The following TANC2 variants were observed in gnomAD, a reference collection of about 807,000 sequenced individuals.
TANC2 encodes the protein tetratricopeptide repeat, ankyrin repeat and coiled-coil containing 2.
TANC2 carries 26 observed loss-of-function variants against 210.5 expected under a neutral mutation model. That is an observed-to-expected ratio of 0.12 (90% CI 0.09 to 0.17). TANC2 has a LOEUF of 0.17. TANC2 is among the 10% of genes least tolerant of loss of function. The pLI, the probability that TANC2 is intolerant of heterozygous loss-of-function variation, is 1.00. For synonymous variants in TANC2, 931 were observed against 967.1 expected, an observed-to-expected ratio of 0.96 and a Z score of 0.69; for missense variants, 2,129 against 2,608.9, an observed-to-expected ratio of 0.82 and a Z score of 4.01.
chr17:63,300,330 G>T (rs1192402962), intron 9 of TANC2, among the ~76,000 whole-genome samples: 1 of 152,144 alleles, frequency 6.6e-6, no homozygotes, highest in Non-Finnish European at 1.5e-5. Flanking sequence ...AATCTCAATG[G>T]TAGTTTGATG....
chr17:63,018,771 A>G (rs2034223727), intron 2 of TANC2, among the ~76,000 whole-genome samples: 1 of 152,216 alleles, frequency 6.6e-6, no homozygotes, highest in South Asian at 2.1e-4. Context: ...GAAAAATTTT[A>G]TCACTTCAAG....
chr17:63,407,821 G>A (rs534175694), intron 21 of TANC2, among the ~76,000 whole-genome samples: 1 of 152,242 alleles, frequency 6.6e-6, no homozygotes, highest in Non-Finnish European at 1.5e-5. Context: ...AATTCGAAGA[G>A]GAAAAATGTT....
chr17:63,334,960 G>A (rs2045976721), intron 11 of TANC2, among the ~76,000 whole-genome samples: 1 of 152,196 alleles, frequency 6.6e-6, no homozygotes, highest in Admixed American at 6.5e-5. Flanking sequence ...CAGGAGGTGG[G>A]TTGGGGAGGT....
At chr17:63,295,924 A>T (rs1334679692) in intron 9 of TANC2, among the ~76,000 whole-genome samples, 1 of 152,110 alleles carries the variant, frequency 6.6e-6, no homozygotes, top group Non-Finnish European at 1.5e-5. Context: ...GGTGAGGTTT[A>T]TCTCCCTCTT....
At chr17:63,304,969 G>A (rs1259913149) in intron 9 of TANC2, among the ~76,000 whole-genome samples, 1 of 152,210 alleles carries the variant, frequency 6.6e-6, no homozygotes, top group Non-Finnish European at 1.5e-5. Flanking sequence ...TATAGAGATG[G>A]CTGCCGCCCA....
chr17:63,229,430 G>A (rs2042411444), intron 7 of TANC2, among the ~76,000 whole-genome samples: 1 of 152,110 alleles, frequency 6.6e-6, no homozygotes, highest in South Asian at 2.1e-4. Context: ...AATGATGCTG[G>A]CCTCATAAAA....
chr17:62,989,767 C>CTTTTTTTTT (rs369502208), intron 1 of TANC2, among the ~76,000 whole-genome samples: 4 of 109,786 alleles, frequency 3.6e-5, no homozygotes, highest in Non-Finnish European at 5.4e-5. Flanking sequence ...AAAACACATG[C>CTTTTTTTTT]TTTTTTTTTT....
intron 1 of TANC2, among the ~76,000 whole-genome samples, chr17:62,984,077 C>T (rs1054860010): frequency 3.3e-5 from 5 of 152,096 alleles, no homozygotes; most frequent in African/African-American, 1.2e-4. Context: ...TAAAATTCAG[C>T]AGTGATACCA....
In TANC2 at chr17:63,158,895, C is replaced by T. The variant is rs115249723; in HGVS notation, c.433+7515C>T. ...GGAAGGATCTTCTTTTGTGTTTATACACATAGTTATTAGAAGGATTCAGAT... is the reference window on the plus strand; with the variant it reads ...GGAAGGATCTTCTTTTGTGTTTATATACATAGTTATTAGAAGGATTCAGAT... On this transcript the variant is annotated intron_variant, in intron 5 of 27. Coordinates refer to ENST00000689528, the Ensembl canonical transcript of TANC2. 5.5e-3 allele frequency among the ~76,000 whole-genome samples: 839 copies of T among 152,282 alleles called. 7 individuals are homozygous for T. Among genetic ancestry groups the T allele is most frequent in the African/African-American group, 0.018 (748 of 41,548 alleles).
chr17:62,973,987 C>T (rs1017762769), intron 1 of TANC2, among the ~76,000 whole-genome samples: 1 of 152,176 alleles, frequency 6.6e-6, no homozygotes, highest in South Asian at 2.1e-4. Context: ...TAGTTGCTGT[C>T]GAGACCATAC....
exon 28 of TANC2, chr17:63,424,063 C>T (rs1256888474): frequency 2.6e-5 from 4 of 152,330 alleles, no homozygotes; most frequent in African/African-American, 9.6e-5. Flanking sequence ...AACCGCCTCT[C>T]GCTGAGGAGC....
At chr17:63,325,357 T>TTTGCA (rs1181396832) in intron 11 of TANC2, among the ~76,000 whole-genome samples, 1 of 152,208 alleles carries the variant, frequency 6.6e-6, no homozygotes, top group African/African-American at 2.4e-5. Context: ...CCTTAGGGCC[T>TTTGCA]TTGCATACTT....
At chr17:63,079,502 T>C (rs940184010) in intron 3 of TANC2, among the ~76,000 whole-genome samples, 1 of 152,226 alleles carries the variant, frequency 6.6e-6, no homozygotes, top group Non-Finnish European at 1.5e-5. Context: ...CATAGTGTGC[T>C]TACTTCATCT....
chr17:63,280,393 G>C (rs971783244), intron 9 of TANC2, among the ~76,000 whole-genome samples: 1 of 151,822 alleles, frequency 6.6e-6, no homozygotes, highest in African/African-American at 2.4e-5. Context: ...ATTCAGTTTA[G>C]GTATTGACCT....
chr17:63,388,788 A>G (rs991246132), intron 16 of TANC2, 31 bp downstream of exon 16: 37 of 1,469,142 alleles, frequency 2.5e-5, no homozygotes, highest in Non-Finnish European at 3.1e-5. Flanking sequence ...TAAATATGAT[A>G]AGGAATTAAC....
chr17:63,191,337 G>T (rs1470237936), intron 5 of TANC2, among the ~76,000 whole-genome samples: 1 of 148,516 alleles, frequency 6.7e-6, no homozygotes, highest in East Asian at 2.2e-4. Flanking sequence ...CTTTAATGGT[G>T]CCATAATGGC....
At chr17:63,383,316 A>G (rs1050713598) in intron 15 of TANC2, among the ~76,000 whole-genome samples, 6 of 152,200 alleles carry the variant, frequency 3.9e-5, no homozygotes, top group Non-Finnish European at 8.8e-5. Flanking sequence ...GTATCTCAGC[A>G]TAGTTTCATT....
chr17:63,021,778 G>T (rs1241449944), intron 2 of TANC2, among the ~76,000 whole-genome samples: 1 of 152,230 alleles, frequency 6.6e-6, no homozygotes, highest in Admixed American at 6.5e-5. Flanking sequence ...AGCCTGTATT[G>T]CCATGAACAG....
intron 8 of TANC2, among the ~76,000 whole-genome samples, chr17:63,251,509 AAGG>A (rs2043052460): frequency 6.6e-6 from 1 of 152,168 alleles, no homozygotes; most frequent in African/African-American, 2.4e-5. Context: ...ATCTATTTGA[AAGG>A]AGAAGAATTT....
Sources: allele counts gnomAD v4.1 joint callset (sites outside exome capture counted in the v4.1 genomes callset), GRCh38; gene constraint gnomAD v4.1.1; transcripts MANE v1.5; gene names NCBI Gene and HGNC (gene_info 2026-07-23, HGNC 2026-07-21).